Variants in CBLN2 observed in about 807,000 individuals in gnomAD.
The protein encoded by CBLN2 is cerebellin-2.
In CBLN2, 7 loss-of-function variants were observed where a neutral mutation model predicts 15.0. The ratio of observed to expected loss-of-function variants is 0.47; its 90% confidence interval spans 0.27 to 0.88. The LOEUF is 0.88. CBLN2 is among the 40% of genes least tolerant of loss of function. The probability of loss-of-function intolerance (pLI) is 0.14; values close to 1 mark genes in which losing one functional copy is unlikely to be tolerated. For missense variants in CBLN2, 242 were observed against 304.5 expected (o/e 0.79, Z 1.53); for synonymous variants, 149 against 135.2 (o/e 1.10, Z -0.71).
At chr18:72,541,692 G>A (rs969366639) in intron 3 of CBLN2, 112 bp downstream of exon 3, 4 of 742,912 alleles carry the variant, frequency 5.4e-6, no homozygotes, top group Non-Finnish European at 4.2e-6. Context: ...GGCAGAGGGG[G>A]AGGACAGAGC....
intron 1 of CBLN2, among the ~76,000 whole-genome samples, chr18:72,571,349 ATTGGC>A (rs2069331075): frequency 1.3e-5 from 2 of 152,248 alleles, no homozygotes; most frequent in East Asian, 3.9e-4. Context: ...TCACATGCTC[ATTGGC>A]TAAAAATGGA....
chr18:72,609,165 A>G (rs1209210873), intron 1 of CBLN2, among the ~76,000 whole-genome samples: 17 of 152,216 alleles, frequency 1.1e-4, no homozygotes, highest in Admixed American at 5.9e-4. Flanking sequence ...TGACTCTTTT[A>G]TAACTTACTA....
chr18:72,631,264 G>A (rs2069774607), intron 1 of CBLN2, among the ~76,000 whole-genome samples: 1 of 152,046 alleles, frequency 6.6e-6, no homozygotes, highest in South Asian at 2.1e-4. Flanking sequence ...TGGCAGTTAA[G>A]CTCTGGAAAG....
In CBLN2 at chr18:72,618,231, G is replaced by A. The variant is rs2069675963; in HGVS notation, c.15+20094C>T. ...CCTTTCTGCCCATGGACGCTGCCAA[G>A]GAAGCATTGTTAAAGTCTCTCTTTC... On this transcript the variant is annotated intron_variant, in intron 1 of 2. Coordinates refer to the CBLN2 transcript ENST00000581073. The A allele has an allele frequency of 1.6e-5, 4 of 249,678 alleles. No homozygotes were observed. The East Asian group carries it at 3.4e-4, about 21-fold the overall frequency. The allele number at this position is 249,678 out of a possible 1,614,324, so 15.5% of individuals were successfully genotyped here.
chr18:72,598,754 T>C (rs1220345612), intron 1 of CBLN2, among the ~76,000 whole-genome samples: 1 of 152,242 alleles, frequency 6.6e-6, no homozygotes, highest in Admixed American at 6.5e-5. Flanking sequence ...GATTTGCCTC[T>C]GGCTATAGCT....
At position 72,630,564 on chromosome 18, in the gene CBLN2, C is replaced by CAGAGAGAGAGAGAGAGAGAGAGAG. The variant is rs368831135; in HGVS notation, c.15+7737_15+7760dup. Reference sequence around the variant, plus strand: ...CCTCCCCCCCACACACACACACATGCAGAGAGAGAGAGAGAGAGAGAGAGG... The same window carrying CAGAGAGAGAGAGAGAGAGAGAGAG: ...CCTCCCCCCCACACACACACACATGCAGAGAGAGAGAGAGAGAGAGAGAGAGAGAGAGAGAGAGAGAGAGAGAGG... On this transcript the variant is annotated intron_variant, in intron 1 of 2. Transcript: ENST00000581073. Among the ~76,000 whole-genome samples the CAGAGAGAGAGAGAGAGAGAGAGAG allele has an allele frequency of 6.0e-3, 808 of 135,496 alleles. 7 individuals are homozygous for CAGAGAGAGAGAGAGAGAGAGAGAG. Among genetic ancestry groups the CAGAGAGAGAGAGAGAGAGAGAGAG allele is most frequent in the Admixed American group, 8.7e-3 (116 of 13,326 alleles). The allele number at this position is 135,496 out of a possible 152,430, so 88.9% of individuals were successfully genotyped here. A position where few individuals can be genotyped will look rare whatever the true frequency, so the allele number is the denominator to read the frequency against.
At chr18:72,562,955 C>G (rs1453931605) in intron 1 of CBLN2, among the ~76,000 whole-genome samples, 1 of 152,182 alleles carries the variant, frequency 6.6e-6, no homozygotes, top group East Asian at 1.9e-4. Context: ...AATTCCTTTT[C>G]CATTTTAGCG....
At chr18:72,588,490 T>C (rs1023394355) in intron 1 of CBLN2, among the ~76,000 whole-genome samples, 1 of 152,240 alleles carries the variant, frequency 6.6e-6, no homozygotes, top group East Asian at 1.9e-4. Flanking sequence ...AAACACATTT[T>C]GCATTTTCAG....
At chr18:72,631,832 G>A (rs1250340461) in intron 1 of CBLN2, among the ~76,000 whole-genome samples, 3 of 152,050 alleles carry the variant, frequency 2.0e-5, no homozygotes, top group African/African-American at 7.2e-5. Context: ...TCAAATTTAG[G>A]CACTACACAA....
At chr18:72,625,404 T>C (rs1449681780) in intron 1 of CBLN2, among the ~76,000 whole-genome samples, 1 of 152,052 alleles carries the variant, frequency 6.6e-6, no homozygotes, top group Non-Finnish European at 1.5e-5. Context: ...TTGTTCCTTC[T>C]TAATGTTTAC....
At chr18:72,598,687 C>G (rs2069528432) in intron 1 of CBLN2, among the ~76,000 whole-genome samples, 2 of 152,188 alleles carry the variant, frequency 1.3e-5, no homozygotes, top group Non-Finnish European at 2.9e-5. Context: ...GAACCCAGAG[C>G]ATTTTAGCTC....
At chr18:72,625,503 T>G (rs2069730159) in intron 1 of CBLN2, among the ~76,000 whole-genome samples, 1 of 151,796 alleles carries the variant, frequency 6.6e-6, no homozygotes, top group Non-Finnish European at 1.5e-5. Flanking sequence ...TCAACCATGA[T>G]GTTTTTTCTG....
chr18:72,628,100 G>A (rs1374138700), intron 1 of CBLN2, among the ~76,000 whole-genome samples: 2 of 152,152 alleles, frequency 1.3e-5, no homozygotes, highest in African/African-American at 4.8e-5. Flanking sequence ...GGGCTGCCTT[G>A]GTGGGCATGC....
intron 1 of CBLN2, among the ~76,000 whole-genome samples, chr18:72,570,449 C>T (rs541054483): frequency 1.3e-5 from 2 of 150,022 alleles, no homozygotes; most frequent in African/African-American, 2.5e-5. Context: ...GGTTTCACCA[C>T]GTTGCCCAGG....
intron 1 of CBLN2, among the ~76,000 whole-genome samples, chr18:72,560,317 T>G (rs1442308000): frequency 2.0e-5 from 3 of 152,188 alleles, no homozygotes; most frequent in Non-Finnish European, 2.9e-5. Flanking sequence ...GGTGCATGAG[T>G]GATCACATGG....
intron 1 of CBLN2, among the ~76,000 whole-genome samples, chr18:72,632,868 C>A: frequency 6.6e-6 from 1 of 152,170 alleles, no homozygotes; most frequent in East Asian, 1.9e-4. Context: ...GTAGCTGGAT[C>A]TACAGGATAG....
intron 1 of CBLN2, among the ~76,000 whole-genome samples, chr18:72,634,450 TAAA>T (rs1247436660): frequency 6.6e-6 from 1 of 152,100 alleles, no homozygotes; most frequent in Non-Finnish European, 1.5e-5. Context: ...TTGGCCTAGA[TAAA>T]TTGGATAAGA....
At chr18:72,629,964 G>A (rs1282938309) in intron 1 of CBLN2, among the ~76,000 whole-genome samples, 2 of 152,032 alleles carry the variant, frequency 1.3e-5, no homozygotes, top group East Asian at 3.9e-4. Flanking sequence ...TTAACCAAAA[G>A]ATACCAAAGT....
chr18:72,569,106 C>T (rs959308711), intron 1 of CBLN2, among the ~76,000 whole-genome samples: 8 of 152,072 alleles, frequency 5.3e-5, no homozygotes, highest in African/African-American at 1.2e-4. Flanking sequence ...CTGATACCAC[C>T]GGAGTCGTTA....
Sources: allele counts gnomAD v4.1 joint callset (sites outside exome capture counted in the v4.1 genomes callset), GRCh38; gene constraint gnomAD v4.1.1; transcripts MANE v1.5; gene names NCBI Gene and HGNC (gene_info 2026-07-23, HGNC 2026-07-21).